The following RAPGEF2 variants were observed in gnomAD, a reference collection of about 807,000 sequenced individuals.
RAPGEF2 encodes PDZ domain containing guanine nucleotide exchange factor (GEF) 1.
In RAPGEF2, 54 loss-of-function variants were observed where a neutral mutation model predicts 186.7. The ratio of observed to expected loss-of-function variants is 0.29; its 90% CI spans 0.23 to 0.36. The LOEUF (loss-of-function observed/expected upper bound fraction) is 0.36, where lower values mean the gene tolerates loss of function less well. RAPGEF2 is among the 10% of genes least tolerant of loss of function. The pLI, the probability that RAPGEF2 is intolerant of heterozygous loss-of-function variation, is 1.00. For synonymous variants in RAPGEF2, 712 were observed against 705.9 expected (o/e 1.01, Z -0.14); for missense variants, 1,532 against 2,045.0 (o/e 0.75, Z 4.84).
chr4:159,206,473 C>A (rs1300411566), intron 3 of RAPGEF2, among the ~76,000 whole-genome samples: 1 of 152,144 alleles, frequency 6.6e-6, no homozygotes, highest in Non-Finnish European at 1.5e-5. Context: ...ATTTGCATAT[C>A]CTTTAAGTAC....
At chr4:159,138,687 G>A (rs1368857290) in intron 1 of RAPGEF2, among the ~76,000 whole-genome samples, 2 of 152,156 alleles carry the variant, frequency 1.3e-5, no homozygotes, top group African/African-American at 4.8e-5. Flanking sequence ...ATGTAGACAA[G>A]ATAATTTTGA....
intron 7 of RAPGEF2, among the ~76,000 whole-genome samples, chr4:159,269,091 A>G (rs1366262192): frequency 6.6e-6 from 1 of 152,204 alleles, no homozygotes. Flanking sequence ...TGTATTCTAA[A>G]GAAGATAAGA....
At chr4:159,115,204 A>G (rs1738912555) in intron 1 of RAPGEF2, among the ~76,000 whole-genome samples, 1 of 152,148 alleles carries the variant, frequency 6.6e-6, no homozygotes, top group African/African-American at 2.4e-5. Context: ...TTTTTTTCAT[A>G]ACTGAAATTG....
In RAPGEF2 at chr4:159,298,754, A is replaced by AT. The variant is rs151298301; in HGVS notation, c.544-5587dup. On this transcript the variant is annotated intron_variant, in intron 7 of 29. Transcript: ENST00000691494. ...GAAAGCCCTTTCTGGGAATAGCTCAATAATCCATTGGCATCTAGGCTTAGA... is the reference window on the plus strand; with the variant it reads ...GAAAGCCCTTTCTGGGAATAGCTCAATTAATCCATTGGCATCTAGGCTTAGA... Among the ~76,000 whole-genome samples the AT allele has an allele frequency of 8.1e-3, 1,235 of 152,302 alleles. 13 individuals are homozygous for AT. The highest frequency in any genetic ancestry group is 0.028 in the African/African-American group (1,164 of 41,562).
intron 7 of RAPGEF2, among the ~76,000 whole-genome samples, chr4:159,276,949 G>T (rs1171809570): frequency 1.3e-5 from 2 of 152,058 alleles, no homozygotes; most frequent in East Asian, 3.9e-4. Flanking sequence ...TATACTTTAA[G>T]TTGTAGTGTA....
At chr4:159,258,260 T>C (rs192198480) in intron 7 of RAPGEF2, among the ~76,000 whole-genome samples, 2 of 152,342 alleles carry the variant, frequency 1.3e-5, no homozygotes, top group African/African-American at 2.4e-5. Context: ...TGTGTTTTGT[T>C]TGTTTATTCA....
chr4:159,183,051 A>T (rs899426303), intron 1 of RAPGEF2, among the ~76,000 whole-genome samples: 2 of 152,224 alleles, frequency 1.3e-5, no homozygotes, highest in African/African-American at 4.8e-5. Context: ...GCTTATTTGC[A>T]TATACCGACA....
chr4:159,300,881 C>G (rs1762578609), intron 7 of RAPGEF2, among the ~76,000 whole-genome samples: 1 of 152,210 alleles, frequency 6.6e-6, no homozygotes, highest in Non-Finnish European at 1.5e-5. Flanking sequence ...GCCCCTGTGT[C>G]TGCCTCCTGA....
intron 1 of RAPGEF2, among the ~76,000 whole-genome samples, chr4:159,165,946 A>AT (rs1267462706): frequency 1.3e-5 from 2 of 152,268 alleles, no homozygotes; most frequent in South Asian, 2.1e-4. Context: ...TACAAGAAAG[A>AT]TTTTTTTAAA....
chr4:159,261,875 A>T (rs1442703068), intron 7 of RAPGEF2, among the ~76,000 whole-genome samples: 2 of 152,122 alleles, frequency 1.3e-5, no homozygotes, highest in Non-Finnish European at 2.9e-5. Flanking sequence ...GATTCTCCCC[A>T]TCCTGTTCTT....
intron 1 of RAPGEF2, among the ~76,000 whole-genome samples, chr4:159,114,546 A>T (rs1385652304): frequency 1.3e-5 from 2 of 152,164 alleles, no homozygotes; most frequent in African/African-American, 4.8e-5. Context: ...CAGAATTTTA[A>T]CAATTTATTC....
chr4:159,253,019 T>C (rs1028290725), intron 7 of RAPGEF2, among the ~76,000 whole-genome samples: 1 of 152,260 alleles, frequency 6.6e-6, no homozygotes, highest in Non-Finnish European at 1.5e-5. Flanking sequence ...ATGTTTAATA[T>C]TGGTCTAATA....
intron 1 of RAPGEF2, among the ~76,000 whole-genome samples, chr4:159,165,520 G>T (rs532743273): frequency 6.6e-6 from 1 of 152,234 alleles, no homozygotes; most frequent in South Asian, 2.1e-4. Flanking sequence ...TTGAAGTCAG[G>T]TTATCATTAG....
intron 1 of RAPGEF2, among the ~76,000 whole-genome samples, chr4:159,177,696 C>G (rs1345061827): frequency 6.6e-6 from 1 of 152,162 alleles, no homozygotes; most frequent in African/African-American, 2.4e-5. Flanking sequence ...CATACCGTAT[C>G]AATAAACATA....
intron 3 of RAPGEF2, among the ~76,000 whole-genome samples, chr4:159,209,508 T>A (rs935301876): frequency 2.0e-5 from 3 of 152,216 alleles, no homozygotes; most frequent in African/African-American, 7.2e-5. Context: ...CTCACCTCCT[T>A]TGCTCAAATG....
intron 26 of RAPGEF2, among the ~76,000 whole-genome samples, chr4:159,351,638 T>C (rs1392471250): frequency 1.3e-5 from 2 of 152,276 alleles, no homozygotes; most frequent in African/African-American, 4.8e-5. Context: ...TTTGGATTTT[T>C]TTCATTAAAA....
At chr4:159,198,777 C>T (rs1290750334) in intron 3 of RAPGEF2, among the ~76,000 whole-genome samples, 1 of 151,998 alleles carries the variant, frequency 6.6e-6, no homozygotes. Context: ...GATGTAACCA[C>T]CGTTTTGAAG....
chr4:159,226,380 A>G (rs1335994474), intron 4 of RAPGEF2, among the ~76,000 whole-genome samples: 1 of 152,206 alleles, frequency 6.6e-6, no homozygotes, highest in African/African-American at 2.4e-5. Context: ...TCTTCCACCA[A>G]TACCACATTT....
At chr4:159,335,007 A>G (rs1338877789) in intron 17 of RAPGEF2, among the ~76,000 whole-genome samples, 1 of 152,222 alleles carries the variant, frequency 6.6e-6, no homozygotes, top group Admixed American at 6.5e-5. Flanking sequence ...CTTGATTTAT[A>G]CTATACTAGC....
Sources: allele counts gnomAD v4.1 joint callset (sites outside exome capture counted in the v4.1 genomes callset), GRCh38; gene constraint gnomAD v4.1.1; transcripts MANE v1.5; gene names NCBI Gene and HGNC (gene_info 2026-07-23, HGNC 2026-07-21).